RPS6KA4: variants seen among roughly 807,000 people sequenced by gnomAD.
RPS6KA4 encodes the protein ribosomal protein S6 kinase A4.
Under a neutral mutation model 89.6 loss-of-function variants are expected in RPS6KA4, and 38 were observed. That is an observed-to-expected ratio of 0.42 (90% CI 0.33 to 0.56). The LOEUF is 0.56. Ranked by LOEUF, RPS6KA4 falls within the 20% of genes least tolerant of loss-of-function variation. The pLI, the probability that RPS6KA4 is intolerant of heterozygous loss-of-function variation, is 0.07. For missense variants in RPS6KA4, 873 were observed against 1,098.8 expected, an observed-to-expected ratio of 0.79 and a Z score of 2.90; for synonymous variants, 495 against 492.8, an observed-to-expected ratio of 1.00 and a Z score of -0.06.
At position 64,369,772 on chromosome 11, in the gene RPS6KA4, C is replaced by T. The variant is rs774562817; in HGVS notation, c.1676C>T (p.Pro559Leu). ...IIDFGFARLRPQSPGVPMQTP... is the reference protein window; with the variant it reads ...IIDFGFARLRLQSPGVPMQTP... ...GACTTCGGGTTCGCGCGGTTGCGGC[C>T]GCAGAGTCCCGGGGTGCCCATGCAG... Residue 559 changes from proline (P) to leucine (L), a missense_variant, in exon 14 of 17, where the codon CCG (proline) becomes CTG (leucine). This residue lies in a region of RPS6KA4 where 542 missense variants were observed against 736.4 expected (regional missense o/e 0.74). Coordinates refer to ENST00000334205, the MANE Select transcript of RPS6KA4 (RefSeq NM_003942.3). The T allele has an allele frequency of 2.5e-6, 4 of 1,611,338 alleles. No homozygotes were observed. The highest frequency in any genetic ancestry group is 1.1e-5 in the South Asian group (1 of 90,894).
chr11:64,360,727 A>G, intron 4 of RPS6KA4, 135 bp downstream of exon 4: 4 of 767,312 alleles, frequency 5.2e-6, no homozygotes, highest in Non-Finnish European at 8.3e-6. Flanking sequence ...TGGGAATTGG[A>G]GCTGCTTCCC....
At chr11:64,362,117 G>C in intron 8 of RPS6KA4, 115 bp downstream of exon 8, 4 of 1,272,104 alleles carry the variant, frequency 3.1e-6, no homozygotes, top group Non-Finnish European at 4.3e-6. Context: ...CCCAGAGAAA[G>C]AAAGCAAGTG....
At chr11:64,367,564 G>A (rs949522339) in intron 9 of RPS6KA4, among the ~76,000 whole-genome samples, 2 of 152,188 alleles carry the variant, frequency 1.3e-5, no homozygotes, top group African/African-American at 4.8e-5. Context: ...ACCTGCCTCA[G>A]CCTCCCAAAG....
At chr11:64,368,070 TC>T in intron 9 of RPS6KA4, 61 bp from the exon 10 acceptor site, 3 of 647,444 alleles carry the variant, frequency 4.6e-6, no homozygotes, top group Non-Finnish European at 6.9e-6. Flanking sequence ...CCCACCAGAG[TC>T]TCCTCACCCG....
intron 9 of RPS6KA4, 40 bp from the exon 10 acceptor site, chr11:64,368,092 C>A: frequency 6.2e-7 from 1 of 1,607,086 alleles, no homozygotes; most frequent in Non-Finnish European, 8.5e-7. Context: ...CACCCCCAAC[C>A]CCCATGCCCA....
In RPS6KA4 at chr11:64,370,546, C is replaced by A; in HGVS notation, c.1958-17C>A. The A allele has an allele frequency of 6.3e-7, 1 of 1,588,856 alleles. No homozygotes were observed. The highest frequency in any genetic ancestry group is 8.5e-7 in the Non-Finnish European group (1 of 1,172,822). On this transcript the variant is annotated splice_polypyrimidine_tract_variant and intron_variant, in intron 15 of 16. Transcript: ENST00000334205. The surrounding 1 kb of genome is among the most constrained non-coding windows in gnomAD (Gnocchi z 4.1). ...TTACGCCAGGCTCCTCCCCACACTT[C>A]CTTGCCCCGCCTCCAGGGCTCCTGA... is the stretch of plus-strand genomic sequence containing the variant.
At chr11:64,362,262 G>A (rs1397431322) in intron 8 of RPS6KA4, among the ~76,000 whole-genome samples, 1 of 152,240 alleles carries the variant, frequency 6.6e-6, no homozygotes, top group Non-Finnish European at 1.5e-5. Flanking sequence ...TCCTTTCACT[G>A]GACAGACCCA....
Position 64,371,393 on chromosome 11 carries a change from C to T in RPS6KA4, c.2232C>T (p.Gly744=). The T allele has an allele frequency of 3.1e-6, 5 of 1,611,650 alleles. No individual in the cohort carries two copies. The highest frequency in any genetic ancestry group is 1.1e-5 in the South Asian group (1 of 91,020). ...GGAGCGCCACCGCCTCCCGCCGGGG[C>T]TCCCCTGCACCAGCCAACCCGGGCC... The part of the protein sequence containing the change: ...KLRSATASRR[G]SPAPANPGRA... The change falls in exon 17 of 17, where the codon GGC becomes GGT. Residue 744 remains glycine, a synonymous_variant. Transcript: ENST00000334205.
chr11:64,361,771 G>T lies in RPS6KA4; in HGVS notation c.755+26G>T, dbSNP rs749663382. On this transcript the variant is annotated intron_variant, in intron 7 of 16. Transcript: ENST00000334205. This position sits in a 1 kb window ranked among gnomAD's most constrained non-coding sequence, Gnocchi z 4.7. ...GTGAGTAGGGCTGGACGTGGAGGGC[G>T]GCCAGAGGGCTGCAGGGCCTGCCTG... The T allele has an allele frequency of 6.3e-7, 1 of 1,588,094 alleles. No individual in the cohort carries two copies. The highest frequency in any genetic ancestry group is 2.2e-5 in the East Asian group (1 of 44,638).
chr11:64,368,889 C>T, intron 12 of RPS6KA4, 92 bp downstream of exon 12: 3 of 1,202,382 alleles, frequency 2.5e-6, no homozygotes, highest in African/African-American at 1.5e-5. Flanking sequence ...GTGAATTGGG[C>T]GGGGCCTAGC....
rs1348868934 is a variant in RPS6KA4, at chr11:64,361,826, C to T, written c.756-26C>T. 2 of 1,585,628 alleles carry T rather than the reference C, an allele frequency of 1.3e-6. No individual in the cohort carries two copies. The highest frequency in any genetic ancestry group is 1.7e-6 in the Non-Finnish European group (2 of 1,169,426). On this transcript the variant is annotated intron_variant, in intron 7 of 16. Coordinates refer to ENST00000334205, the MANE Select transcript of RPS6KA4 (RefSeq NM_003942.3). This position sits in a 1 kb window ranked among gnomAD's most constrained non-coding sequence, Gnocchi z 4.7. Reference sequence around the variant, plus strand: ...GGGCTGTGGGTGGGGGGCTTGCTGCCCCTGACACCCCCCCAATCCTCCCAG... The same window carrying T: ...GGGCTGTGGGTGGGGGGCTTGCTGCTCCTGACACCCCCCCAATCCTCCCAG...
chr11:64,369,759 G>A lies in RPS6KA4; in HGVS notation c.1663G>A (p.Ala555Thr), dbSNP rs1410769083. The change falls in exon 14 of 17, where the codon GCG becomes ACG. Residue 555 changes from alanine (A) to threonine (T), a missense_variant. Transcript: ENST00000334205. Reference sequence around the variant, plus strand: ...GGTGAAAATCATCGACTTCGGGTTCGCGCGGTTGCGGCCGCAGAGTCCCGG... The same window carrying A: ...GGTGAAAATCATCGACTTCGGGTTCACGCGGTTGCGGCCGCAGAGTCCCGG... ...APVKIIDFGFARLRPQSPGVP... is the reference protein window; with the variant it reads ...APVKIIDFGFTRLRPQSPGVP... The A allele has an allele frequency of 2.5e-6, 4 of 1,611,682 alleles. No individual in the cohort carries two copies. Among genetic ancestry groups the A allele is most frequent in the African/African-American group, 1.3e-5 (1 of 74,904 alleles).
chr11:64,370,817 G>A lies in RPS6KA4; in HGVS notation c.2121+91G>A. Reference sequence around the variant, plus strand: ...CCCGGCCATCGGAGCACAGAAAGGCGAGGTGAGGCCGGGCGCGGTGGCTCA... The same window carrying A: ...CCCGGCCATCGGAGCACAGAAAGGCAAGGTGAGGCCGGGCGCGGTGGCTCA... On this transcript the variant is annotated intron_variant, in intron 16 of 16. Transcript: ENST00000334205. This position sits in a 1 kb window ranked among gnomAD's most constrained non-coding sequence, Gnocchi z 4.1. 3.5e-6 allele frequency: 5 copies of A among 1,415,326 alleles called. No individual in the cohort carries two copies. The highest frequency in any genetic ancestry group is 5.5e-5 in the Admixed American group (2 of 36,148). 87.7% of individuals were successfully genotyped at this position (1,415,326 alleles called of 1,614,324 possible).
Position 64,359,505 on chromosome 11 carries a change from G to A in RPS6KA4, c.127+56G>A, listed in dbSNP as rs534516896. On this transcript the variant is annotated intron_variant, in intron 2 of 16. Transcript: ENST00000334205. ...CCAGGCGCGGTGCCCCTGACCTCCT[G>A]CCTGCTCACTCTTGGGCCTGGGCCA... is the stretch of plus-strand genomic sequence containing the variant. 5 of 1,579,380 alleles carry A rather than the reference G, an allele frequency of 3.2e-6. No homozygotes were observed. The African/African-American group carries it at 6.7e-5, about 21-fold the overall frequency.
Position 64,370,669 on chromosome 11 carries a change from C to G in RPS6KA4, c.2064C>G (p.Pro688=), listed in dbSNP as rs372157814. The change falls in exon 16 of 17, where the codon CCC becomes CCG. Residue 688 remains proline (P), a synonymous_variant. Transcript: ENST00000334205. The surrounding 1 kb of genome is among the most constrained non-coding windows in gnomAD (Gnocchi z 4.1). ...GCTCCTCGCCCCCGCTCCGGACGCC[C>G]GACGTGCTCGAGTCCTCTGGGCCCG... ...SARSSPPLRT[P]DVLESSGPAV... is the part of the protein sequence containing the mutation. 8.4e-5 allele frequency: 132 copies of G among 1,571,040 alleles called. No homozygotes were observed. The African/African-American group carries it at 1.7e-3, about 20-fold the overall frequency.
At chr11:64,363,414 G>A (rs1164672522) in intron 8 of RPS6KA4, among the ~76,000 whole-genome samples, 1 of 152,180 alleles carries the variant, frequency 6.6e-6, no homozygotes, top group Non-Finnish European at 1.5e-5. Context: ...ACTGGAGTGG[G>A]TTGACCAGTC....
At chr11:64,368,315 C>T in intron 10 of RPS6KA4, 55 bp downstream of exon 10, 1 of 1,592,252 alleles carries the variant, frequency 6.3e-7, no homozygotes, top group Non-Finnish European at 8.5e-7. Flanking sequence ...AGGCCTAGGC[C>T]CGGGGACTCT....
chr11:64,362,204 G>A (rs954426420), intron 8 of RPS6KA4, among the ~76,000 whole-genome samples: 1 of 152,232 alleles, frequency 6.6e-6, no homozygotes, highest in African/African-American at 2.4e-5. Context: ...AGGATTCTAG[G>A]TTCATTGGCT....
chr11:64,369,381 G>A, intron 12 of RPS6KA4, 65 bp from the exon 13 acceptor site: 1 of 1,485,940 alleles, frequency 6.7e-7, no homozygotes, highest in Non-Finnish European at 9.0e-7. Flanking sequence ...GGCGGGGCCT[G>A]GGTGGTGGGA....
Sources: gnomAD v4.1 joint callset for allele counts (sites outside exome capture counted in the v4.1 genomes callset) on GRCh38, gnomAD v4.1.1 for gene constraint, gnomAD v4.1.1 regional missense constraint, Gnocchi (gnomAD v3.1) non-coding constraint, MANE v1.5 for transcripts, NCBI Gene and HGNC (gene_info 2026-07-23, HGNC 2026-07-21) for gene names.